Variants in CACNA1E observed in about 807,000 individuals in gnomAD.
CACNA1E encodes the protein voltage-dependent R-type calcium channel subunit alpha-1E.
In CACNA1E, 40 loss-of-function variants were observed where a neutral mutation model predicts 259.2. The observed-to-expected ratio is 0.15, with a 90% CI of 0.12 to 0.20. The LOEUF (loss-of-function observed/expected upper bound fraction) is 0.20. Ranked by LOEUF, CACNA1E falls within the 10% of genes least tolerant of loss-of-function variation. CACNA1E has a pLI of 1.00. For synonymous variants in CACNA1E, 1,104 were observed against 1,138.5 expected, an observed-to-expected ratio of 0.97 and a Z score of 0.61; for missense variants, 1,874 against 3,040.1, an observed-to-expected ratio of 0.62 and a Z score of 9.02.
intron 3 of CACNA1E, among the ~76,000 whole-genome samples, chr1:181,531,397 C>A (rs1220903780): frequency 6.6e-6 from 1 of 152,158 alleles, no homozygotes; most frequent in African/African-American, 2.4e-5. Flanking sequence ...TCTCGTGGCC[C>A]TCTTGTTTCT....
intron 2 of CACNA1E, among the ~76,000 whole-genome samples, chr1:181,413,804 G>C (rs1008044639): frequency 2.0e-4 from 30 of 152,366 alleles, no homozygotes; most frequent in African/African-American, 7.2e-4. Flanking sequence ...GAGGCGTTCA[G>C]CTGTCAGATG....
intron 6 of CACNA1E, among the ~76,000 whole-genome samples, chr1:181,634,097 A>C (rs1399871258): frequency 6.6e-6 from 1 of 152,202 alleles, no homozygotes. Context: ...GTTGTGGGTC[A>C]GTGAGCGTGG....
chr1:181,435,912 C>G (rs369652572), intron 2 of CACNA1E, among the ~76,000 whole-genome samples: 1 of 148,182 alleles, frequency 6.7e-6, no homozygotes, highest in East Asian at 1.9e-4. Context: ...AGCTTTAAAA[C>G]ATCTGTTATC....
In CACNA1E at chr1:181,377,827, A is replaced by T. The variant is rs558804195; in HGVS notation, c.-14-35306A>T. Among the ~76,000 whole-genome samples the T allele has an allele frequency of 6.7e-4, 102 of 152,330 alleles. 1 individual carries two copies. Among genetic ancestry groups the T allele is most frequent in the South Asian group, 1.9e-3 (9 of 4,830 alleles). On this transcript the variant is annotated intron_variant, in intron 1 of 11. Transcript: ENST00000524607. ...TTGCCCAAGATCATATAGCCAATAAACAAATACAATGAGCTAGTATTTGTA... is the reference window on the plus strand; with the variant it reads ...TTGCCCAAGATCATATAGCCAATAATCAAATACAATGAGCTAGTATTTGTA...
intron 1 of CACNA1E, among the ~76,000 whole-genome samples, chr1:181,327,542 C>T (rs1650892754): frequency 1.3e-5 from 2 of 152,198 alleles, no homozygotes; most frequent in Non-Finnish European, 2.9e-5. Flanking sequence ...CCCCAACCCC[C>T]ATCTTTCCCC....
intron 1 of CACNA1E, among the ~76,000 whole-genome samples, chr1:181,412,227 G>A (rs1211637381): frequency 6.6e-6 from 1 of 152,164 alleles, no homozygotes; most frequent in African/African-American, 2.4e-5. Flanking sequence ...GGCAGGCACA[G>A]GCATTAAAAA....
chr1:181,392,241 A>C (rs1162229355), intron 1 of CACNA1E, among the ~76,000 whole-genome samples: 2 of 152,222 alleles, frequency 1.3e-5, no homozygotes, highest in East Asian at 3.9e-4. Flanking sequence ...ATTTTTCCTG[A>C]CGCTCAACTC....
In CACNA1E at chr1:181,555,732, C is replaced by T. The variant is rs774079111; in HGVS notation, c.513-22034C>T. ...CCACTATGTTGTAAGGTCTAAGGGG[C>T]AGGAAATACAAGATGATGTATTTAT... On this transcript the variant is annotated intron_variant, in intron 3 of 47. Transcript: ENST00000367573. Among the ~76,000 whole-genome samples, 97 of 152,148 alleles carry T rather than the reference C, an allele frequency of 6.4e-4. 1 individual carries two copies. Among genetic ancestry groups the T allele is most frequent in the Non-Finnish European group, 6.2e-4 (42 of 68,020 alleles).
rs145454194 is a variant in CACNA1E, at chr1:181,393,285, A to G, written c.-14-19848A>G. 3.9e-3 allele frequency among the ~76,000 whole-genome samples: 593 copies of G among 152,328 alleles called. 2 individuals carry two copies. Among genetic ancestry groups the G allele is most frequent in the Non-Finnish European group, 6.3e-3 (432 of 68,038 alleles). Reference sequence around the variant, plus strand: ...TTTCCTCATCTGTAAGATGGGGTTAATAATAATACCTTCCTTACAGCATTA... The same window carrying G: ...TTTCCTCATCTGTAAGATGGGGTTAGTAATAATACCTTCCTTACAGCATTA... On this transcript the variant is annotated intron_variant, in intron 1 of 11. Coordinates refer to the CACNA1E transcript ENST00000524607.
chr1:181,529,781 C>G (rs1340772453), intron 3 of CACNA1E, among the ~76,000 whole-genome samples: 1 of 152,216 alleles, frequency 6.6e-6, no homozygotes. Flanking sequence ...GCTGTATTCC[C>G]CCAATACCTG....
chr1:181,522,571 G>A (rs1050603714), intron 3 of CACNA1E, among the ~76,000 whole-genome samples: 29 of 152,180 alleles, frequency 1.9e-4, no homozygotes, highest in African/African-American at 7.0e-4. Context: ...GACACATCAT[G>A]ATGCTGAATC....
chr1:181,534,911 A>C (rs12144867), intron 3 of CACNA1E, among the ~76,000 whole-genome samples: 38,262 of 152,054 alleles, frequency 0.25, 5,316 homozygotes, highest in Non-Finnish European at 0.31. Flanking sequence ...TCTTATGTTT[A>C]AATGACTAAG....
At position 181,726,203 on chromosome 1, in the gene CACNA1E, G is replaced by A. The variant is rs1036977371; in HGVS notation, c.2240+41G>A. 2.9e-6 allele frequency: 4 copies of A among 1,382,564 alleles called. No individual in the cohort carries two copies. In the African/African-American group the frequency reaches 4.3e-5, roughly 15 times the overall value. The allele number at this position is 1,382,564 out of a possible 1,614,324, so 85.6% of individuals were successfully genotyped here. ...CCTTCACTGATCCCTGAGCTCCTGT[G>A]CTAACAGCCAATTCATCAACTCACA... On this transcript the variant is annotated intron_variant, in intron 18 of 47. Coordinates refer to ENST00000367573, the MANE Select transcript of CACNA1E (RefSeq NM_001205293.3).
At chr1:181,781,863 A>T (rs1167527408) in intron 39 of CACNA1E, among the ~76,000 whole-genome samples, 1 of 152,188 alleles carries the variant, frequency 6.6e-6, no homozygotes, top group Non-Finnish European at 1.5e-5. Flanking sequence ...GGGATGGCAT[A>T]TATGGGCAAG....
At chr1:181,678,177 C>T (rs541486156) in intron 7 of CACNA1E, among the ~76,000 whole-genome samples, 1 of 152,276 alleles carries the variant, frequency 6.6e-6, no homozygotes, top group East Asian at 1.9e-4. Context: ...TAGTGGTGCC[C>T]CTCTGCCAGC....
At chr1:181,498,718 C>A (rs1157875750) in intron 1 of CACNA1E, among the ~76,000 whole-genome samples, 1 of 152,098 alleles carries the variant, frequency 6.6e-6, no homozygotes, top group African/African-American at 2.4e-5. Flanking sequence ...AAATGATTTG[C>A]CTCAATAAGT....
At chr1:181,434,891 G>A (rs773033219) in intron 2 of CACNA1E, among the ~76,000 whole-genome samples, 2 of 152,210 alleles carry the variant, frequency 1.3e-5, no homozygotes, top group Non-Finnish European at 2.9e-5. Flanking sequence ...GGGCTCATGG[G>A]AGCTTCTGAG....
At chr1:181,362,407 C>T (rs550506111) in intron 1 of CACNA1E, among the ~76,000 whole-genome samples, 24 of 152,198 alleles carry the variant, frequency 1.6e-4, no homozygotes, top group African/African-American at 2.2e-4. Context: ...TTGCTGTTTC[C>T]CACGTGGATA....
chr1:181,731,348 G>T (rs1259835964), intron 19 of CACNA1E, 117 bp downstream of exon 19: 6 of 498,772 alleles, frequency 1.2e-5, no homozygotes, highest in South Asian at 1.1e-4. Context: ...GTGTGGCTTG[G>T]TGTGTGTGTG....
Sources: allele counts gnomAD v4.1 joint callset (sites outside exome capture counted in the v4.1 genomes callset), GRCh38; gene constraint gnomAD v4.1.1; transcripts MANE v1.5; gene names NCBI Gene and HGNC (gene_info 2026-07-23, HGNC 2026-07-21).